The following SHISA6 variants were observed in gnomAD, a reference collection of about 807,000 sequenced individuals.
SHISA6 encodes the protein protein shisa-6.
A neutral mutation model predicts 47.9 loss-of-function variants in SHISA6; 22 were observed. The observed-to-expected ratio is 0.46, with a 90% CI of 0.33 to 0.66. The LOEUF (loss-of-function observed/expected upper bound fraction) is 0.66, where lower values mean the gene tolerates loss of function less well. Among genes scored for constraint, SHISA6 ranks in the 30% least tolerant of loss-of-function variants. The pLI, the probability that SHISA6 is intolerant of heterozygous loss-of-function variation, is 0.02. For missense variants in SHISA6, 680 were observed against 764.6 expected, an observed-to-expected ratio of 0.89 and a Z score of 1.30; for synonymous variants, 388 against 337.8, an observed-to-expected ratio of 1.15 and a Z score of -1.63.
intron 3 of SHISA6, among the ~76,000 whole-genome samples, chr17:11,408,713 C>T (rs1914032007): frequency 6.6e-6 from 1 of 152,196 alleles, no homozygotes; most frequent in African/African-American, 2.4e-5. Context: ...AATGTATTGA[C>T]TGTCCTTTGC....
intron 1 of SHISA6, among the ~76,000 whole-genome samples, chr17:11,246,779 G>C (rs1907610882): frequency 6.6e-6 from 1 of 152,218 alleles, no homozygotes. Context: ...TGGGCAAGAT[G>C]TGTTTCATAC....
intron 1 of SHISA6, among the ~76,000 whole-genome samples, chr17:11,245,179 C>T (rs1167058399): frequency 2.0e-5 from 3 of 152,228 alleles, no homozygotes; most frequent in Non-Finnish European, 4.4e-5. Flanking sequence ...AAGTCCGACT[C>T]AGCTAGCTGG....
chr17:11,554,647 C>T (rs1188951725), intron 4 of SHISA6, among the ~76,000 whole-genome samples: 2 of 152,184 alleles, frequency 1.3e-5, no homozygotes, highest in Non-Finnish European at 1.5e-5. Flanking sequence ...AGGAATGACA[C>T]AGCGAGACTA....
intron 3 of SHISA6, among the ~76,000 whole-genome samples, chr17:11,416,888 T>C (rs1914296786): frequency 3.9e-5 from 6 of 152,160 alleles, no homozygotes; most frequent in Admixed American, 3.9e-4. Context: ...AGGTAAGTAT[T>C]CACTATGCAA....
chr17:11,392,287 C>T (rs1486893306), intron 3 of SHISA6, among the ~76,000 whole-genome samples: 2 of 152,032 alleles, frequency 1.3e-5, no homozygotes, highest in Non-Finnish European at 2.9e-5. Context: ...TAGATAGGGC[C>T]ATGGCATAGT....
intron 1 of SHISA6, among the ~76,000 whole-genome samples, chr17:11,252,041 T>A (rs187010499): frequency 6.6e-6 from 1 of 152,254 alleles, no homozygotes; most frequent in Non-Finnish European, 1.5e-5. Flanking sequence ...GAACCCAGCG[T>A]TCCCGCTCCC....
chr17:11,554,545 T>C (rs1286045563), intron 4 of SHISA6, among the ~76,000 whole-genome samples: 1 of 152,190 alleles, frequency 6.6e-6, no homozygotes, highest in East Asian at 1.9e-4. Context: ...CCAAGAGGTG[T>C]GGCAGTCCTC....
intron 3 of SHISA6, among the ~76,000 whole-genome samples, chr17:11,461,247 A>G (rs984491448): frequency 6.6e-6 from 1 of 152,132 alleles, no homozygotes; most frequent in Non-Finnish European, 1.5e-5. Flanking sequence ...AATGCAAAAA[A>G]TTAGCTGGGC....
In SHISA6 at chr17:11,533,591, T is replaced by TTA. The variant is rs1555543000; in HGVS notation, c.896-18304_896-18303insAT. 9.4e-5 allele frequency among the ~76,000 whole-genome samples: 8 copies of TTA among 85,352 alleles called. No individual in the cohort carries two copies. In the East Asian group the frequency reaches 3.2e-3, roughly 34 times the overall value. 56.0% of individuals were successfully genotyped at this position (85,352 alleles called of 152,430 possible). A position where few individuals can be genotyped will look rare whatever the true frequency, so the allele number is the denominator to read the frequency against. On this transcript the variant is annotated intron_variant, in intron 3 of 5. Coordinates refer to ENST00000441885, the MANE Select transcript of SHISA6 (RefSeq NM_207386.4). Reference sequence around the variant, plus strand: ...TTTTGAAGCTTCCCTTTCATTATTTTTTTTTTTTTTTTTTTTTTTGAGATG... The same window carrying TTA: ...TTTTGAAGCTTCCCTTTCATTATTTTTATTTTTTTTTTTTTTTTTTTGAGATG...
rs2072070142 is a variant in SHISA6 at position 11,564,061 on chromosome 17, T to C, written c.*5757T>C. ...ATTAAAAAATAAAGCCGTTTCAACA[T>C]AACGTGTGTCTCTTTAAGTAGCCAC... On this transcript the variant is annotated 3_prime_UTR_variant, in exon 6 of 6. Transcript: ENST00000441885. 6.6e-6 allele frequency: 1 copy of C among 152,238 alleles called. No individual in the cohort carries two copies. Among genetic ancestry groups the C allele is most frequent in the Non-Finnish European group, 1.5e-5 (1 of 68,042 alleles). The allele number at this position is 152,238 out of a possible 1,614,324, so 9.4% of individuals were successfully genotyped here. A position where few individuals can be genotyped will look rare whatever the true frequency, so the allele number is the denominator to read the frequency against.
intron 3 of SHISA6, among the ~76,000 whole-genome samples, chr17:11,404,371 G>T (rs918711034): frequency 6.6e-6 from 1 of 152,162 alleles, no homozygotes; most frequent in Non-Finnish European, 1.5e-5. Flanking sequence ...AGTGAGGGGG[G>T]AGACAGTCTA....
At chr17:11,363,037 C>G (rs1405938662) in intron 2 of SHISA6, among the ~76,000 whole-genome samples, 2 of 152,204 alleles carry the variant, frequency 1.3e-5, no homozygotes, top group African/African-American at 4.8e-5. Flanking sequence ...AGTCCACTTT[C>G]TGGTGCAGTC....
intron 3 of SHISA6, among the ~76,000 whole-genome samples, chr17:11,384,799 G>A (rs1171220577): frequency 2.0e-5 from 3 of 152,182 alleles, no homozygotes; most frequent in Non-Finnish European, 4.4e-5. Context: ...GCCATGCTGG[G>A]AGCCAGATAG....
intron 3 of SHISA6, among the ~76,000 whole-genome samples, chr17:11,449,338 G>A (rs1296665546): frequency 6.6e-6 from 1 of 152,154 alleles, no homozygotes; most frequent in Non-Finnish European, 1.5e-5. Context: ...AGCTACTCAG[G>A]AGGCTAAGGC....
intron 2 of SHISA6, among the ~76,000 whole-genome samples, chr17:11,334,395 G>A (rs1353556966): frequency 6.6e-6 from 1 of 152,186 alleles, no homozygotes; most frequent in Non-Finnish European, 1.5e-5. Context: ...GAGTGCTTGA[G>A]AAACAAGCCC....
At chr17:11,254,642 G>A (rs1415958384) in intron 1 of SHISA6, among the ~76,000 whole-genome samples, 1 of 152,198 alleles carries the variant, frequency 6.6e-6, no homozygotes, top group Non-Finnish European at 1.5e-5. Flanking sequence ...GAGGCAGTTG[G>A]TCTATTGTTA....
At chr17:11,520,591 T>C (rs1463939308) in intron 3 of SHISA6, among the ~76,000 whole-genome samples, 1 of 152,168 alleles carries the variant, frequency 6.6e-6, no homozygotes, top group Admixed American at 6.5e-5. Context: ...GTTGCAACTA[T>C]GCTTATGCTC....
intron 3 of SHISA6, among the ~76,000 whole-genome samples, chr17:11,386,189 A>T (rs971611695): frequency 1.3e-5 from 2 of 152,240 alleles, no homozygotes; most frequent in Admixed American, 6.5e-5. Context: ...CAGTCTGACC[A>T]ACATGGCGAA....
intron 2 of SHISA6, among the ~76,000 whole-genome samples, chr17:11,316,155 G>GTTT (rs1555527899): frequency 0.01 from 1,277 of 123,566 alleles, 13 homozygotes; most frequent in African/African-American, 0.032. Context: ...TGAACATAGT[G>GTTT]TTTTTAAAAA....
Sources: gnomAD v4.1 joint callset for allele counts (sites outside exome capture counted in the v4.1 genomes callset) on GRCh38, gnomAD v4.1.1 for gene constraint, MANE v1.5 for transcripts, NCBI Gene and HGNC (gene_info 2026-07-23, HGNC 2026-07-21) for gene names.